Variants in FERRY3 observed in about 807,000 individuals in gnomAD.
The protein encoded by FERRY3 is protein C12orf4.
chr12:4,516,358 G>A, the FERRY3 span, among the ~76,000 whole-genome samples: 1 of 152,140 alleles, frequency 6.6e-6, no homozygotes, highest in South Asian at 2.1e-4. Context: ...AGCTTCTGAA[G>A]ATCTGGGTAT....
At chr12:4,530,200 A>G in the FERRY3 span, 12 of 659,130 alleles carry the variant, frequency 1.8e-5, no homozygotes, top group Non-Finnish European at 2.9e-5. Flanking sequence ...ATGTGTGTGT[A>G]TTATACAGGA....
At chr12:4,501,420 A>T in the FERRY3 span, among the ~76,000 whole-genome samples, 1 of 152,176 alleles carries the variant, frequency 6.6e-6, no homozygotes, top group East Asian at 1.9e-4. Context: ...CCTGTTAGGA[A>T]CCGGGCTGCA....
chr12:4,533,799 A>AT, the FERRY3 span, among the ~76,000 whole-genome samples: 1 of 152,170 alleles, frequency 6.6e-6, no homozygotes, highest in East Asian at 1.9e-4. Flanking sequence ...ATAGTGAACA[A>AT]TTTTTTTTAG....
At chr12:4,509,761 C>T in the FERRY3 span, among the ~76,000 whole-genome samples, 1 of 141,032 alleles carries the variant, frequency 7.1e-6, no homozygotes, top group South Asian at 2.2e-4. Context: ...TCACCATCAT[C>T]AAAGACCAAA....
At chr12:4,510,745 G>A in the FERRY3 span, among the ~76,000 whole-genome samples, 52 of 146,480 alleles carry the variant, frequency 3.5e-4, 1 homozygote. Context: ...CCTGAAGGAA[G>A]CGCTAAACAT....
chr12:4,515,092 AAAG>A, the FERRY3 span, among the ~76,000 whole-genome samples: 1 of 151,966 alleles, frequency 6.6e-6, no homozygotes, highest in Non-Finnish European at 1.5e-5. Flanking sequence ...ATAAATAAAT[AAAG>A]AATAAAATAA....
At chr12:4,534,000 G>A in the FERRY3 span, 1 of 715,654 alleles carries the variant, frequency 1.4e-6, no homozygotes, top group African/African-American at 1.8e-5. Context: ...TGCTCACCCT[G>A]ATATAGGAAG....
At chr12:4,520,316 T>C in the FERRY3 span, among the ~76,000 whole-genome samples, 1 of 152,178 alleles carries the variant, frequency 6.6e-6, no homozygotes, top group African/African-American at 2.4e-5. Context: ...TACACGAGGC[T>C]TGACCAAACC....
At chr12:4,498,451 CTT>C in the FERRY3 span, among the ~76,000 whole-genome samples, 2 of 152,114 alleles carry the variant, frequency 1.3e-5, no homozygotes, top group Non-Finnish European at 2.9e-5. Flanking sequence ...GTCCATCTCT[CTT>C]GATACCATAT....
At chr12:4,507,260 T>A in the FERRY3 span, among the ~76,000 whole-genome samples, 44 of 152,170 alleles carry the variant, frequency 2.9e-4, no homozygotes, top group Non-Finnish European at 2.8e-4. Context: ...TTACGTAATA[T>A]GGATATGAGT....
the FERRY3 span, among the ~76,000 whole-genome samples, chr12:4,523,893 G>A: frequency 1.3e-4 from 20 of 151,992 alleles, no homozygotes; most frequent in Non-Finnish European, 2.6e-4. Flanking sequence ...CACCAACATG[G>A]TGCATGTATA....
At chr12:4,512,405 T>C in the FERRY3 span, among the ~76,000 whole-genome samples, 2 of 152,254 alleles carry the variant, frequency 1.3e-5, no homozygotes, top group South Asian at 2.1e-4. Flanking sequence ...CCAGCATCAT[T>C]CTGATACCAA....
At chr12:4,535,102 G>C in the FERRY3 span, among the ~76,000 whole-genome samples, 1 of 152,186 alleles carries the variant, frequency 6.6e-6, no homozygotes, top group Non-Finnish European at 1.5e-5. This position sits in a 1 kb window ranked among gnomAD's most constrained non-coding sequence, Gnocchi z 4.0. Flanking sequence ...CAGTTTTACA[G>C]ACACCACTTA....
At chr12:4,516,514 TC>T in the FERRY3 span, among the ~76,000 whole-genome samples, 205 of 152,222 alleles carry the variant, frequency 1.3e-3, no homozygotes, top group Middle Eastern at 0.01. Context: ...CACATATACA[TC>T]ATGGAATACA....
the FERRY3 span, among the ~76,000 whole-genome samples, chr12:4,501,224 C>T: frequency 6.6e-6 from 1 of 152,198 alleles, no homozygotes; most frequent in Non-Finnish European, 1.5e-5. Context: ...ACTGTAATTT[C>T]TCACCTAGGT....
chr12:4,519,396 T>C, the FERRY3 span, among the ~76,000 whole-genome samples: 2 of 152,212 alleles, frequency 1.3e-5, no homozygotes, highest in African/African-American at 2.4e-5. This position sits in a 1 kb window ranked among gnomAD's most constrained non-coding sequence, Gnocchi z 4.3. Context: ...ACCTCCAACA[T>C]TCTCCTCCCA....
the FERRY3 span, among the ~76,000 whole-genome samples, chr12:4,534,591 A>G: frequency 1.0e-3 from 157 of 152,198 alleles, no homozygotes; most frequent in African/African-American, 3.7e-3. Flanking sequence ...TTTGGTAAAG[A>G]TAGGTCTCAC....
At chr12:4,533,952 T>G in the FERRY3 span, 1 of 422,702 alleles carries the variant, frequency 2.4e-6, no homozygotes, top group South Asian at 8.0e-5. Flanking sequence ...AGCCTCTTGT[T>G]TTACAAAGGT....
chr12:4,514,310 GT>G, the FERRY3 span, among the ~76,000 whole-genome samples: 1 of 150,576 alleles, frequency 6.6e-6, no homozygotes, highest in South Asian at 2.1e-4. Context: ...CTGTAAACTA[GT>G]TCAACCACTG....
Sources: allele counts gnomAD v4.1 joint callset (sites outside exome capture counted in the v4.1 genomes callset), GRCh38; gene constraint gnomAD v4.1.1; non-coding constraint Gnocchi (gnomAD v3.1); transcripts MANE v1.5; gene names NCBI Gene and HGNC (gene_info 2026-07-23, HGNC 2026-07-21).